Variants in PILRA observed in about 807,000 individuals in gnomAD.
The protein encoded by PILRA is paired immunoglobin like type 2 receptor alpha, also known as paired immunoglobulin-like type 2 receptor alpha.
Under a neutral mutation model 33.1 loss-of-function variants are expected in PILRA, and 37 were observed. The observed-to-expected ratio is 1.12, with a 90% CI of 0.86 to 1.47. The LOEUF (loss-of-function observed/expected upper bound fraction) is 1.47. PILRA is among the 40% of genes most tolerant of loss of function. The pLI, the probability that PILRA is intolerant of heterozygous loss-of-function variation, is 0.00. For synonymous variants in PILRA, 146 were observed against 149.9 expected (o/e 0.97, Z 0.19); for missense variants, 312 against 376.2 (o/e 0.83, Z 1.41).
chr7:100,378,864 G>A (rs1161484512), intron 2 of PILRA, among the ~76,000 whole-genome samples: 3 of 152,170 alleles, frequency 2.0e-5, no homozygotes, highest in East Asian at 1.9e-4. Context: ...AGGTCAAGGC[G>A]GGTGGATCAC....
chr7:100,385,166 A>G (rs1326258017), intron 2 of PILRA, among the ~76,000 whole-genome samples: 2 of 152,248 alleles, frequency 1.3e-5, no homozygotes, highest in African/African-American at 2.4e-5. Flanking sequence ...TAGAAGGTTA[A>G]CACAAAAATA....
At chr7:100,383,191 G>A (rs986743299) in intron 2 of PILRA, among the ~76,000 whole-genome samples, 56 of 152,270 alleles carry the variant, frequency 3.7e-4, no homozygotes, top group African/African-American at 1.3e-3. Flanking sequence ...ACCAGTCAGG[G>A]ACGGGGAGGT....
chr7:100,398,022 C>T (rs543784610), intron 4 of PILRA, 110 bp downstream of exon 4: 54 of 1,098,932 alleles, frequency 4.9e-5, no homozygotes, highest in South Asian at 2.9e-4. Context: ...CAGCCTGCCA[C>T]GGCCATTGTT....
At chr7:100,377,041 G>T (rs1393460708) in intron 2 of PILRA, among the ~76,000 whole-genome samples, 1 of 151,840 alleles carries the variant, frequency 6.6e-6, no homozygotes, top group Non-Finnish European at 1.5e-5. Flanking sequence ...TAGGATACAG[G>T]CATGAGCCAC....
intron 2 of PILRA, among the ~76,000 whole-genome samples, chr7:100,379,087 T>C (rs1791019344): frequency 6.9e-6 from 1 of 144,772 alleles, no homozygotes; most frequent in Non-Finnish European, 1.5e-5. Context: ...AGCGAGACTC[T>C]GTCTCAAAAA....
At position 100,390,007 on chromosome 7, in the gene PILRA, A is replaced by AT. The variant is rs776382074; in HGVS notation, c.575dup (p.Ser193LysfsTer38). 1.2e-6 allele frequency: 2 copies of AT among 1,614,030 alleles called. No individual in the cohort carries two copies. Among genetic ancestry groups the AT allele is most frequent in the African/African-American group, 2.7e-5 (2 of 74,918 alleles). On this transcript the variant is annotated frameshift_variant, in exon 3 of 7. Coordinates refer to ENST00000198536, the MANE Select transcript of PILRA (RefSeq NM_013439.3). LOFTEE classifies it high-confidence loss of function. ...CAAACGACGCTCAGACTCTTGGCAC[A>AT]TAAGTCTGGAGACTGCTGTGGGGGT...
At chr7:100,395,950 C>T (rs1410736045) in intron 3 of PILRA, among the ~76,000 whole-genome samples, 1 of 151,954 alleles carries the variant, frequency 6.6e-6, no homozygotes, top group Non-Finnish European at 1.5e-5. Flanking sequence ...CATGGTGAAA[C>T]ACCATTTCCA....
upstream of PILRA, chr7:100,373,452 G>A (rs1361745192): frequency 8.0e-6 from 5 of 622,396 alleles, no homozygotes; most frequent in African/African-American, 3.7e-5. Flanking sequence ...TGCAATAGGG[G>A]AAAATAAGCC....
chr7:100,399,417 C>A, intron 5 of PILRA, 77 bp downstream of exon 5: 1 of 1,407,574 alleles, frequency 7.1e-7, no homozygotes, highest in Non-Finnish European at 1.0e-6. Context: ...CTACCTGGGT[C>A]CGTGCCCCTG....
At chr7:100,389,859 G>A in intron 2 of PILRA, 29 bp from the exon 3 acceptor site, 1 of 1,595,344 alleles carries the variant, frequency 6.3e-7, no homozygotes, top group Non-Finnish European at 8.6e-7. Flanking sequence ...CCCCAGGGGA[G>A]GGTCTGCTCA....
rs770915687 is a variant in PILRA, at chr7:100,374,058, T to C, written c.79T>C (p.Ser27Pro). 1.7e-5 allele frequency: 28 copies of C among 1,613,790 alleles called. No homozygotes were observed. Among genetic ancestry groups the C allele is most frequent in the Non-Finnish European group, 2.4e-5 (28 of 1,179,864 alleles). Residue 27 changes from serine to proline, a missense_variant, in exon 2 of 7, where the codon TCT (serine) becomes CCT (proline). Transcript: ENST00000198536. ...CCCTCCTCTAGGTGGCTCCACAGGATCTGGTCCAAGCTACCTTTATGGGGT... is the reference window on the plus strand; with the variant it reads ...CCCTCCTCTAGGTGGCTCCACAGGACCTGGTCCAAGCTACCTTTATGGGGT... ...AFLQPSGSTG[S>P]GPSYLYGVTQ...
intron 2 of PILRA, among the ~76,000 whole-genome samples, chr7:100,376,695 C>G (rs1049842844): frequency 6.7e-6 from 1 of 148,924 alleles, no homozygotes; most frequent in African/African-American, 2.5e-5. Flanking sequence ...CTCCTGACCT[C>G]AGATGATCTG....
At chr7:100,399,396 C>A in intron 5 of PILRA, 56 bp downstream of exon 5, 2 of 1,486,950 alleles carry the variant, frequency 1.3e-6, no homozygotes, top group Admixed American at 1.7e-5. Context: ...TCCTGTTTCC[C>A]CAAATACCCC....
chr7:100,389,941 A>C lies in PILRA; in HGVS notation c.508A>C (p.Ser170Arg). The change falls in exon 3 of 7, where the codon AGT becomes CGT. Residue 170 changes from serine to arginine, a missense_variant. Ser to Arg is a moderately radical substitution (Grantham distance 110). Transcript: ENST00000198536. ...CAGCATGACTACCACCTGGAGGCTC[A>C]GTAGCACAACCACCACAACCGGCCT... ...PSSMTTTWRL[S>R]STTTTTGLRV... 2 of 1,614,018 alleles carry C rather than the reference A, an allele frequency of 1.2e-6. No individual in the cohort carries two copies. Among genetic ancestry groups the C allele is most frequent in the South Asian group, 1.1e-5 (1 of 91,066 alleles).
At chr7:100,372,605 G>C (rs1442622247), upstream of PILRA, among the ~76,000 whole-genome samples, 2 of 152,198 alleles carry the variant, frequency 1.3e-5, no homozygotes, top group African/African-American at 2.4e-5. Flanking sequence ...ACTGTGTGTG[G>C]GGTGGGTGTT....
intron 2 of PILRA, among the ~76,000 whole-genome samples, chr7:100,386,554 G>A (rs578188849): frequency 6.6e-6 from 1 of 151,834 alleles, no homozygotes; most frequent in African/African-American, 2.4e-5. Context: ...GTCTCTCTCT[G>A]TTGCCCAGAC....
At chr7:100,379,262 C>G (rs150688718) in intron 2 of PILRA, among the ~76,000 whole-genome samples, 2,745 of 151,898 alleles carry the variant, frequency 0.018, 40 homozygotes, top group Non-Finnish European at 0.026. Context: ...TACCTGTAAT[C>G]CCAGCCACTC....
intron 2 of PILRA, among the ~76,000 whole-genome samples, chr7:100,382,701 G>A (rs1791140431): frequency 1.3e-5 from 2 of 152,186 alleles, no homozygotes; most frequent in African/African-American, 4.8e-5. Flanking sequence ...CTACGGTGTG[G>A]AAAGTTTCTT....
rs552898506 is a variant in PILRA, at chr7:100,387,099, A to G, written c.455-2789A>G. On this transcript the variant is annotated intron_variant, in intron 2 of 6. Transcript: ENST00000198536. ...TAACTCATTTACGCCAGAGGCTGCAAATTTTTTGTGTGAAAGATCAGAACT... is the reference window on the plus strand; with the variant it reads ...TAACTCATTTACGCCAGAGGCTGCAGATTTTTTGTGTGAAAGATCAGAACT... Among the ~76,000 whole-genome samples the G allele has an allele frequency of 2.7e-4, 41 of 152,310 alleles. No individual in the cohort carries two copies. In the South Asian group the frequency reaches 4.8e-3, roughly 18 times the overall value.
Sources: allele counts gnomAD v4.1 joint callset (sites outside exome capture counted in the v4.1 genomes callset), GRCh38; gene constraint gnomAD v4.1.1; transcripts MANE v1.5; gene names NCBI Gene and HGNC (gene_info 2026-07-23, HGNC 2026-07-21).